The following RAI2 variants were observed in gnomAD, a reference collection of about 807,000 sequenced individuals.
The protein encoded by RAI2 is retinoic acid induced 2, also known as retinoic acid-induced protein 2.
A neutral mutation model predicts 15.3 loss-of-function variants in RAI2; 5 were observed. That is an observed-to-expected ratio of 0.33 (90% confidence interval 0.17 to 0.69). The LOEUF is 0.69. Among genes scored for constraint, RAI2 ranks in the 30% least tolerant of loss-of-function variants. The pLI, the probability that RAI2 is intolerant of heterozygous loss-of-function variation, is 0.69. For missense variants in RAI2, 424 were observed against 424.7 expected (o/e 1.00, Z 0.01); for synonymous variants, 191 against 184.0 (o/e 1.04, Z -0.31).
At chrX:17,821,383 C>T (rs1017372009) in intron 1 of RAI2, among the ~76,000 whole-genome samples, 2 of 110,995 alleles carry the variant, frequency 1.8e-5, no homozygotes, top group African/African-American at 3.3e-5. Flanking sequence ...GAAAGTCAAT[C>T]AGAGTAAGTG....
chrX:17,810,034 A>G (rs1185593217), intron 1 of RAI2, among the ~76,000 whole-genome samples: 1 of 111,504 alleles, frequency 9.0e-6, no homozygotes, highest in African/African-American at 3.3e-5. Context: ...GACTTCCCAA[A>G]GTGCTGGGAT....
intron 1 of RAI2, among the ~76,000 whole-genome samples, chrX:17,860,166 T>C (rs1456512857): frequency 1.8e-5 from 2 of 111,259 alleles, no homozygotes; most frequent in African/African-American, 6.6e-5. Flanking sequence ...GGACTTCTGA[T>C]AGGGAAACAC....
chrX:17,812,911 A>G (rs1326362714), intron 1 of RAI2, among the ~76,000 whole-genome samples: 1 of 111,967 alleles, frequency 8.9e-6, no homozygotes, highest in East Asian at 2.8e-4. Flanking sequence ...AACTGAGGAA[A>G]GCTGTGAGGA....
At chrX:17,844,234 T>C (rs1463824760) in intron 1 of RAI2, among the ~76,000 whole-genome samples, 1 of 112,559 alleles carries the variant, frequency 8.9e-6, no homozygotes, top group Non-Finnish European at 1.9e-5. Context: ...AATTCATCAA[T>C]CATACTCTCA....
chrX:17,818,018 C>G (rs185469082), intron 1 of RAI2, among the ~76,000 whole-genome samples: 8 of 112,134 alleles, frequency 7.1e-5, no homozygotes, highest in Admixed American at 6.6e-4. Flanking sequence ...GGGTCCTTGC[C>G]ATCTTGGAGT....
At chrX:17,859,145 G>A (rs1456257381) in intron 1 of RAI2, among the ~76,000 whole-genome samples, 3 of 111,344 alleles carry the variant, frequency 2.7e-5, no homozygotes, top group African/African-American at 9.8e-5. Flanking sequence ...GTTCCCGTTT[G>A]AGAAGAAAAC....
chrX:17,844,115 G>A (rs749059926), intron 1 of RAI2, among the ~76,000 whole-genome samples: 73 of 112,051 alleles, frequency 6.5e-4, no homozygotes, highest in Admixed American at 1.1e-3. Flanking sequence ...ACATTACGAT[G>A]TATGTTCCAT....
chrX:17,844,037 G>A (rs1297615270), intron 1 of RAI2, among the ~76,000 whole-genome samples: 3 of 112,185 alleles, frequency 2.7e-5, no homozygotes, highest in Non-Finnish European at 3.8e-5. Context: ...AGCTTGGCGA[G>A]TATTCAATCA....
intron 1 of RAI2, among the ~76,000 whole-genome samples, chrX:17,847,809 C>T (rs980632313): frequency 1.8e-5 from 2 of 112,014 alleles, no homozygotes; most frequent in South Asian, 3.8e-4. Flanking sequence ...GAGTTAACAG[C>T]GGGTTTGGCT....
intron 1 of RAI2, among the ~76,000 whole-genome samples, chrX:17,802,731 C>T (rs1219842817): frequency 9.0e-6 from 1 of 111,478 alleles, no homozygotes; most frequent in Non-Finnish European, 1.9e-5. Context: ...TGATCTGTGG[C>T]CTCTCCTAAT....
At chrX:17,843,162 C>T (rs1377216213) in intron 1 of RAI2, among the ~76,000 whole-genome samples, 1 of 111,077 alleles carries the variant, frequency 9.0e-6, no homozygotes, top group Admixed American at 9.6e-5. Flanking sequence ...TGTAAAATCT[C>T]ATTTCCTTCC....
At chrX:17,833,846 AT>A (rs1378111452) in intron 1 of RAI2, among the ~76,000 whole-genome samples, 1 of 112,340 alleles carries the variant, frequency 8.9e-6, no homozygotes, top group East Asian at 2.8e-4. Flanking sequence ...CATGTCAGGC[AT>A]GTCATTTAAC....
chrX:17,840,362 G>A lies in RAI2; in HGVS notation c.-25+20736C>T, dbSNP rs749962774. The stretch of plus-strand genomic sequence containing the variant: ...AATGCCACCCTCTGTGCCAATCCTG[G>A]GGTGACAGTGGTGGACAAAATGCTC... On this transcript the variant is annotated intron_variant, in intron 1 of 1. Coordinates refer to ENST00000451717, the MANE Select transcript of RAI2 (RefSeq NM_021785.6). Among the ~76,000 whole-genome samples, 16 of 111,202 alleles carry A rather than the reference G, an allele frequency of 1.4e-4. No homozygotes were observed. In the South Asian group the frequency reaches 5.8e-3, roughly 40 times the overall value.
At chrX:17,807,691 C>T (rs1417261591) in intron 1 of RAI2, among the ~76,000 whole-genome samples, 2 of 112,010 alleles carry the variant, frequency 1.8e-5, no homozygotes, top group East Asian at 2.8e-4. Flanking sequence ...AGCCACTCAC[C>T]TTCACCAGCC....
intron 1 of RAI2, among the ~76,000 whole-genome samples, chrX:17,810,336 G>A (rs2067033922): frequency 8.9e-6 from 1 of 112,150 alleles, no homozygotes; most frequent in Admixed American, 9.4e-5. Flanking sequence ...AAGTATGTGG[G>A]ATGGCTTTAT....
At chrX:17,802,661 T>C (rs1169859252) in intron 1 of RAI2, among the ~76,000 whole-genome samples, 1 of 111,807 alleles carries the variant, frequency 8.9e-6, no homozygotes, top group Non-Finnish European at 1.9e-5. Context: ...TGAAGATCGA[T>C]GATGACTTGC....
At chrX:17,805,585 C>G (rs1259156328) in intron 1 of RAI2, among the ~76,000 whole-genome samples, 1 of 112,577 alleles carries the variant, frequency 8.9e-6, no homozygotes, top group East Asian at 2.8e-4. Context: ...CCTGCTGTGA[C>G]TCAAGTCTCT....
At chrX:17,842,596 A>G (rs984524101) in intron 1 of RAI2, among the ~76,000 whole-genome samples, 1 of 108,685 alleles carries the variant, frequency 9.2e-6, no homozygotes, top group African/African-American at 3.4e-5. Context: ...TTTAAGCACA[A>G]GAAGACTTTG....
At chrX:17,826,315 A>G (rs916002516) in intron 1 of RAI2, among the ~76,000 whole-genome samples, 11 of 107,395 alleles carry the variant, frequency 1.0e-4, no homozygotes, top group African/African-American at 3.8e-4. Flanking sequence ...TTCCTCTCTC[A>G]TATCAGTCTC....
Sources: gnomAD v4.1 joint callset for allele counts (sites outside exome capture counted in the v4.1 genomes callset) on GRCh38, gnomAD v4.1.1 for gene constraint, MANE v1.5 for transcripts, NCBI Gene and HGNC (gene_info 2026-07-23, HGNC 2026-07-21) for gene names.